SLC17A5: variants seen among roughly 807,000 people sequenced by gnomAD.
SLC17A5 encodes the protein solute carrier family 17 member 5.
Under a neutral mutation model 59.4 loss-of-function variants are expected in SLC17A5, and 47 were observed. That is an observed-to-expected ratio of 0.79 (90% CI 0.63 to 1.01). SLC17A5 has a LOEUF of 1.01. SLC17A5 is among the 50% of genes least tolerant of loss of function. The pLI is 0.00. For missense variants in SLC17A5, 522 were observed against 595.5 expected, an observed-to-expected ratio of 0.88 and a Z score of 1.28; for synonymous variants, 202 against 210.7, an observed-to-expected ratio of 0.96 and a Z score of 0.36.
At chr6:73,650,690 GA>G (rs111807303) in intron 1 of SLC17A5, among the ~76,000 whole-genome samples, 131 of 122,120 alleles carry the variant, frequency 1.1e-3, no homozygotes, top group South Asian at 1.0e-3. Context: ...GTGAGATCCT[GA>G]AAAAAAAAAA....
intron 1 of SLC17A5, chr6:73,645,517 T>C (rs987436297): frequency 2.1e-4 from 203 of 984,330 alleles, no homozygotes; most frequent in Non-Finnish European, 2.4e-4. Context: ...CCGGGCACAG[T>C]GGCTCACGCC....
chr6:73,600,167 CTA>C (rs1766990271), intron 10 of SLC17A5, among the ~76,000 whole-genome samples, 182 bp downstream of exon 10: 1 of 152,164 alleles, frequency 6.6e-6, no homozygotes. Context: ...ATTGTTTTGT[CTA>C]AAATCCAAAA....
chr6:73,604,371 G>A (rs1267592531), intron 9 of SLC17A5, among the ~76,000 whole-genome samples: 4 of 152,182 alleles, frequency 2.6e-5, no homozygotes, highest in African/African-American at 9.7e-5. Context: ...ATTCTGTGCT[G>A]TTGGAGTACT....
Position 73,595,020 on chromosome 6 carries a change from GAGGTT to G in SLC17A5, c.*52_*56del. ...GCTTACACAATACAGAAGGCACTTT[GAGGTT>G]ACATGATAAATAAAAATACATTAAT... is the stretch of plus-strand genomic sequence containing the variant. On this transcript the variant is annotated 3_prime_UTR_variant, in exon 11 of 11. Transcript: ENST00000355773. 1 of 1,587,278 alleles carries G rather than the reference GAGGTT, an allele frequency of 6.3e-7. No individual in the cohort carries two copies.
chr6:73,639,324 G>T (rs995205788), intron 3 of SLC17A5, among the ~76,000 whole-genome samples: 1 of 152,188 alleles, frequency 6.6e-6, no homozygotes, highest in African/African-American at 2.4e-5. Context: ...TTGCATAATT[G>T]TTGTAAAGAT....
chr6:73,644,290 T>C, intron 2 of SLC17A5, 117 bp downstream of exon 2: 1 of 805,802 alleles, frequency 1.2e-6, no homozygotes, highest in South Asian at 1.7e-5. Flanking sequence ...AAGAAAGTGA[T>C]TCAGAGTATA....
chr6:73,598,358 C>T (rs760285622), intron 10 of SLC17A5, among the ~76,000 whole-genome samples: 1 of 152,136 alleles, frequency 6.6e-6, no homozygotes, highest in Non-Finnish European at 1.5e-5. Flanking sequence ...AGGCTGGGCG[C>T]GGTGGCTCAT....
intron 9 of SLC17A5, among the ~76,000 whole-genome samples, chr6:73,601,413 G>T (rs377173181): frequency 6.8e-6 from 1 of 147,676 alleles, no homozygotes; most frequent in Non-Finnish European, 1.5e-5. Flanking sequence ...GAGGGAGGTG[G>T]GGGGGTCAGC....
chr6:73,618,969 C>T (rs674938), intron 7 of SLC17A5, among the ~76,000 whole-genome samples: 24,630 of 152,028 alleles, frequency 0.16, 3,056 homozygotes, highest in African/African-American at 0.34. Context: ...ACAGGCAATC[C>T]GCCCGCCTCG....
At chr6:73,602,322 G>A (rs1767173284) in intron 9 of SLC17A5, among the ~76,000 whole-genome samples, 1 of 147,192 alleles carries the variant, frequency 6.8e-6, no homozygotes, top group African/African-American at 2.6e-5. Context: ...AGGGTCCTCT[G>A]CCTAGGAAAA....
intron 9 of SLC17A5, among the ~76,000 whole-genome samples, chr6:73,601,996 A>G (rs1181865516): frequency 6.6e-6 from 1 of 152,064 alleles, no homozygotes; most frequent in Admixed American, 6.5e-5. Context: ...TGGAATAGAA[A>G]GGGGGGAAAG....
chr6:73,603,374 G>A (rs1034629625), intron 9 of SLC17A5, among the ~76,000 whole-genome samples: 1 of 151,290 alleles, frequency 6.6e-6, no homozygotes, highest in Admixed American at 6.6e-5. Context: ...TTACAGGCGT[G>A]AGCCACTGCA....
intron 7 of SLC17A5, among the ~76,000 whole-genome samples, chr6:73,615,880 C>CTTTTTT (rs71674685): frequency 9.5e-4 from 93 of 97,532 alleles, no homozygotes; most frequent in Non-Finnish European, 1.4e-3. Flanking sequence ...ATGAATCATT[C>CTTTTTT]TTTTTTTTTT....
intron 1 of SLC17A5, among the ~76,000 whole-genome samples, chr6:73,649,117 C>T (rs1424347491): frequency 6.6e-6 from 1 of 151,912 alleles, no homozygotes; most frequent in African/African-American, 2.4e-5. Flanking sequence ...CCTGCCTCAG[C>T]CTCCCGAGTA....
chr6:73,601,072 G>C (rs1262366774), intron 9 of SLC17A5, among the ~76,000 whole-genome samples: 45 of 148,050 alleles, frequency 3.0e-4, no homozygotes, highest in African/African-American at 7.8e-4. Context: ...GTCTCTGCCC[G>C]GCCGCCATCC....
At chr6:73,651,678 G>A (rs1769875586) in intron 1 of SLC17A5, among the ~76,000 whole-genome samples, 1 of 151,354 alleles carries the variant, frequency 6.6e-6, no homozygotes, top group African/African-American at 2.4e-5. Flanking sequence ...GAATAGCTGG[G>A]ACTACAGGCA....
chr6:73,615,722 G>A (rs1349080748), intron 7 of SLC17A5, among the ~76,000 whole-genome samples: 1 of 151,920 alleles, frequency 6.6e-6, no homozygotes, highest in Non-Finnish European at 1.5e-5. Flanking sequence ...CTGGGATCTG[G>A]GTTGTGAGAG....
intron 10 of SLC17A5, 122 bp from the exon 11 acceptor site, chr6:73,595,336 A>G: frequency 9.4e-7 from 1 of 1,063,302 alleles, no homozygotes; most frequent in South Asian, 1.3e-5. Flanking sequence ...TCATCCTTGA[A>G]ACAACCCAAA....
At chr6:73,606,557 G>T (rs891422329) in intron 9 of SLC17A5, among the ~76,000 whole-genome samples, 6 of 152,076 alleles carry the variant, frequency 3.9e-5, no homozygotes, top group African/African-American at 1.4e-4. Context: ...GGTTGGACCT[G>T]GGTCTTTAAG....
Sources: allele counts gnomAD v4.1 joint callset (sites outside exome capture counted in the v4.1 genomes callset), GRCh38; gene constraint gnomAD v4.1.1; transcripts MANE v1.5; gene names NCBI Gene and HGNC (gene_info 2026-07-23, HGNC 2026-07-21).